BBS7: variants seen among roughly 807,000 people sequenced by gnomAD.
BBS7 encodes Bardet-Biedl syndrome 7.
Under a neutral mutation model 90.3 loss-of-function variants are expected in BBS7, and 50 were observed. The observed-to-expected ratio is 0.55, with a 90% CI of 0.44 to 0.70. BBS7 has a LOEUF of 0.70. Among genes scored for constraint, BBS7 ranks in the 30% least tolerant of loss-of-function variants. The probability of loss-of-function intolerance (pLI) is 0.00; values close to 1 mark genes in which losing one functional copy is unlikely to be tolerated. For missense variants in BBS7, 729 were observed against 838.9 expected (o/e 0.87, Z 1.62); for synonymous variants, 235 against 287.4 (o/e 0.82, Z 1.85).
chr4:121,868,034 A>G lies in BBS7; in HGVS notation c.49T>C (p.Ser17Pro). 1 of 1,613,444 alleles carries G rather than the reference A, an allele frequency of 6.2e-7. No homozygotes were observed. The highest frequency in any genetic ancestry group is 8.5e-7 in the Non-Finnish European group (1 of 1,179,516). ...RMDYLQVGVT[S>P]QKTMKLIPAS... ...GGAATTAGCTTCATAGTCTTCTGAG[A>G]TGTTACTCCCACCTAAAGAAAAACA... is the stretch of plus-strand genomic sequence containing the variant. Residue 17 changes from serine (S) to proline (P), a missense_variant, in exon 2 of 19, where the codon TCT (serine) becomes CCT (proline). Transcript: ENST00000264499.
rs77061555 is a variant in BBS7, at chr4:121,865,046, C to T, written c.103-1767G>A. Among the ~76,000 whole-genome samples, 1,317 of 152,170 alleles carry T rather than the reference C, an allele frequency of 8.7e-3. 56 individuals are homozygous for T. Among genetic ancestry groups the T allele is most frequent in the Admixed American group, 0.065 (993 of 15,268 alleles). ...TTAATAAATATCTCCCTATCCCTCC[C>T]TTCCCTCTACCCTTTGCAGCCTCTA... is the stretch of plus-strand genomic sequence containing the variant. On this transcript the variant is annotated intron_variant, in intron 2 of 18. Coordinates refer to ENST00000264499, the MANE Select transcript of BBS7 (RefSeq NM_176824.3).
intron 2 of BBS7, among the ~76,000 whole-genome samples, chr4:121,866,747 G>A (rs1162261506): frequency 6.6e-6 from 1 of 152,082 alleles, no homozygotes; most frequent in African/African-American, 2.4e-5. Flanking sequence ...TAGATATGTG[G>A]ATTAATTTCT....
chr4:121,864,158 C>A (rs560690208), intron 2 of BBS7, among the ~76,000 whole-genome samples: 1 of 152,276 alleles, frequency 6.6e-6, no homozygotes, highest in South Asian at 2.1e-4. Flanking sequence ...AATCCCAGCC[C>A]CATTGGTGGA....
intron 1 of BBS7, among the ~76,000 whole-genome samples, chr4:121,868,608 G>T (rs1727409568): frequency 1.5e-5 from 2 of 132,904 alleles, no homozygotes; most frequent in South Asian, 5.0e-4. Flanking sequence ...TTGAGTCCAG[G>T]AATTTGAGGC....
At chr4:121,833,154 C>CAGG in intron 15 of BBS7, 77 bp downstream of exon 15, 1 of 1,397,784 alleles carries the variant, frequency 7.2e-7, no homozygotes, top group Non-Finnish European at 1.0e-6. Context: ...TCACAAATAA[C>CAGG]TCCTAACTTA....
chr4:121,841,730 A>G (rs923907078), intron 12 of BBS7, among the ~76,000 whole-genome samples: 1 of 152,198 alleles, frequency 6.6e-6, no homozygotes, highest in East Asian at 1.9e-4. Context: ...TAGTCATTTC[A>G]AAGAATCCTT....
At chr4:121,835,983 A>G (rs1560644545) in intron 13 of BBS7, among the ~76,000 whole-genome samples, 2 of 152,194 alleles carry the variant, frequency 1.3e-5, no homozygotes, top group Non-Finnish European at 2.9e-5. Flanking sequence ...ACAAAAAAAG[A>G]GAGTATTTAG....
At chr4:121,830,835 T>C (rs1725144584) in intron 15 of BBS7, among the ~76,000 whole-genome samples, 1 of 152,232 alleles carries the variant, frequency 6.6e-6, no homozygotes, top group Admixed American at 6.5e-5. Flanking sequence ...TTTTAGGTCC[T>C]TGCAGGCTAC....
chr4:121,845,510 T>G lies in BBS7; in HGVS notation c.1224A>C (p.Leu408Phe). 1 of 1,611,002 alleles carries G rather than the reference T, an allele frequency of 6.2e-7. No individual in the cohort carries two copies. Among genetic ancestry groups the G allele is most frequent in the Non-Finnish European group, 8.5e-7 (1 of 1,178,574 alleles). ...LEVQTAIDNVLIQSDVPIDLL... is the reference protein window; with the variant it reads ...LEVQTAIDNVFIQSDVPIDLL... ...AATTAGACATTTTGCTTACCTGTATTAAGACATTATCTATTGCAGTCTGTA... is the reference window on the plus strand; with the variant it reads ...AATTAGACATTTTGCTTACCTGTATGAAGACATTATCTATTGCAGTCTGTA... The change falls in exon 11 of 19, where the codon TTA becomes TTC. Residue 408 changes from leucine to phenylalanine, a missense_variant. Coordinates refer to ENST00000264499, the MANE Select transcript of BBS7 (RefSeq NM_176824.3).
chr4:121,861,779 T>G, intron 3 of BBS7, 100 bp from the exon 4 acceptor site: 1 of 1,140,508 alleles, frequency 8.8e-7, no homozygotes. Context: ...TTGCAAAATA[T>G]TATAGTTCCA....
At chr4:121,854,922 TAAAAAGA>T in intron 6 of BBS7, 102 bp from the exon 7 acceptor site, 1 of 1,096,306 alleles carries the variant, frequency 9.1e-7, no homozygotes, top group South Asian at 1.4e-5. Flanking sequence ...AAAAGTACTA[TAAAAAGA>T]TATAAAACTT....
intron 5 of BBS7, among the ~76,000 whole-genome samples, chr4:121,856,930 G>T (rs1464951204): frequency 6.6e-6 from 1 of 151,836 alleles, no homozygotes; most frequent in African/African-American, 2.4e-5. Flanking sequence ...CACCATGCCT[G>T]GCTAAGTTTT....
At chr4:121,835,777 A>G (rs1044963974) in intron 13 of BBS7, among the ~76,000 whole-genome samples, 2 of 152,174 alleles carry the variant, frequency 1.3e-5, no homozygotes, top group African/African-American at 2.4e-5. Context: ...AAAAAGCTTT[A>G]ATATAGGACA....
chr4:121,846,222 T>C lies in BBS7; in HGVS notation c.1038-526A>G, dbSNP rs555079177. On this transcript the variant is annotated intron_variant, in intron 10 of 18. Coordinates refer to ENST00000264499, the MANE Select transcript of BBS7 (RefSeq NM_176824.3). ...TCATGAGCCAGTGGTATGGCTTAACTACCAAGAGTTAGAGAGGATTCTGCT... is the reference window on the plus strand; with the variant it reads ...TCATGAGCCAGTGGTATGGCTTAACCACCAAGAGTTAGAGAGGATTCTGCT... Among the ~76,000 whole-genome samples the C allele has an allele frequency of 9.8e-5, 15 of 152,294 alleles. 1 individual carries two copies. In the Middle Eastern group the frequency reaches 0.017, roughly 173 times the overall value.
chr4:121,854,631 A>G, intron 7 of BBS7, 73 bp downstream of exon 7: 1 of 1,413,594 alleles, frequency 7.1e-7, no homozygotes. Context: ...TAGATAAAAT[A>G]GAATAAATTA....
At chr4:121,854,513 G>A (rs1352762806) in intron 7 of BBS7, among the ~76,000 whole-genome samples, 191 bp downstream of exon 7, 1 of 152,034 alleles carries the variant, frequency 6.6e-6, no homozygotes, top group African/African-American at 2.4e-5. Flanking sequence ...ATTACTATCA[G>A]CATTTCTTAC....
chr4:121,849,048 A>T, intron 8 of BBS7, 120 bp from the exon 9 acceptor site: 3 of 652,964 alleles, frequency 4.6e-6, no homozygotes, highest in Non-Finnish European at 5.5e-6. Context: ...CTGAATGTTT[A>T]TGTGCAGACA....
Position 121,824,794 on chromosome 4 carries a change from TAAG to T in BBS7, c.*1063_*1065del, listed in dbSNP as rs1245531128. The stretch of plus-strand genomic sequence containing the variant: ...AAATTTTTATATTTATATATAAATA[TAAG>T]AATATACAAAGCTTGCACATAACTA... On this transcript the variant is annotated 3_prime_UTR_variant, in exon 19 of 19. Coordinates refer to ENST00000264499, the MANE Select transcript of BBS7 (RefSeq NM_176824.3). This position sits in a 1 kb window ranked among gnomAD's most constrained non-coding sequence, Gnocchi z 4.1. 4.0e-5 allele frequency: 6 copies of T among 151,770 alleles called. No individual in the cohort carries two copies. Among genetic ancestry groups the T allele is most frequent in the South Asian group, 4.1e-4 (2 of 4,838 alleles). The allele number at this position is 151,770 out of a possible 1,614,324, so 9.4% of individuals were successfully genotyped here.
chr4:121,828,725 T>C lies in BBS7; in HGVS notation c.1680A>G (p.Lys560=). Reference sequence around the variant, plus strand: ...TGTCAGATTTAAAAACTCCCTCTCCTTTTCTATAAAATTAATATATTTTTT... The same window carrying C: ...TGTCAGATTTAAAAACTCCCTCTCCCTTTCTATAAAATTAATATATTTTTT... ...LDTQLESTYR[K]GEGVFKSDNI... The change falls in exon 16 of 19, where the codon AAA becomes AAG. Residue 560 remains lysine, a synonymous_variant. Transcript: ENST00000264499. 1 of 1,535,616 alleles carries C rather than the reference T, an allele frequency of 6.5e-7. No individual in the cohort carries two copies. Among genetic ancestry groups the C allele is most frequent in the South Asian group, 1.2e-5 (1 of 84,906 alleles).
Sources: gnomAD v4.1 joint callset for allele counts (sites outside exome capture counted in the v4.1 genomes callset) on GRCh38, gnomAD v4.1.1 for gene constraint, Gnocchi (gnomAD v3.1) non-coding constraint, MANE v1.5 for transcripts, NCBI Gene and HGNC (gene_info 2026-07-23, HGNC 2026-07-21) for gene names.